The following CYP4X1 variants were observed in gnomAD, a reference collection of about 807,000 sequenced individuals.
CYP4X1 encodes the protein cytochrome P450 4X1.
In CYP4X1, 44 loss-of-function variants were observed where a neutral mutation model predicts 57.9. The ratio of observed to expected loss-of-function variants is 0.76; its 90% confidence interval spans 0.60 to 0.98. CYP4X1 has a LOEUF of 0.98. CYP4X1 is among the 50% of genes least tolerant of loss of function. CYP4X1 has a pLI of 0.00. For missense variants in CYP4X1, 532 were observed against 623.9 expected, an observed-to-expected ratio of 0.85 and a Z score of 1.57; for synonymous variants, 227 against 228.6, an observed-to-expected ratio of 0.99 and a Z score of 0.06.
chr1:47,052,152 A>AT (rs554725945), downstream of CYP4X1, among the ~76,000 whole-genome samples: 377 of 152,072 alleles, frequency 2.5e-3, no homozygotes, highest in Non-Finnish European at 4.2e-3. Flanking sequence ...ACTTCTGTGT[A>AT]TTTTTTCATA....
the CYP4X1 span, among the ~76,000 whole-genome samples, chr1:47,005,466 T>A: frequency 6.6e-6 from 1 of 152,194 alleles, no homozygotes; most frequent in Non-Finnish European, 1.5e-5. Flanking sequence ...TTGGATTATC[T>A]ATTGGGGCAA....
At chr1:47,017,194 T>C in the CYP4X1 span, among the ~76,000 whole-genome samples, 2 of 152,236 alleles carry the variant, frequency 1.3e-5, no homozygotes, top group Admixed American at 6.5e-5. Context: ...GATATACTGA[T>C]TTCCTTTCTT....
At chr1:47,020,785 C>T (rs558923809), upstream of CYP4X1, among the ~76,000 whole-genome samples, 13 of 152,334 alleles carry the variant, frequency 8.5e-5, no homozygotes, top group South Asian at 2.7e-3. Flanking sequence ...TAATAATAGA[C>T]TTCCACATCT....
chr1:47,043,337 G>T (rs892447512), intron 8 of CYP4X1, among the ~76,000 whole-genome samples: 21 of 151,986 alleles, frequency 1.4e-4, no homozygotes, highest in African/African-American at 4.8e-4. Context: ...TGAGTTCCCT[G>T]TAGATTCTGG....
chr1:46,976,699 G>A, the CYP4X1 span, among the ~76,000 whole-genome samples: 1 of 152,112 alleles, frequency 6.6e-6, no homozygotes, highest in Admixed American at 6.5e-5. Context: ...TCCCACTAGG[G>A]GCCAACACAC....
chr1:47,035,457 G>A (rs1295162060), intron 4 of CYP4X1, among the ~76,000 whole-genome samples: 1 of 152,206 alleles, frequency 6.6e-6, no homozygotes, highest in East Asian at 1.9e-4. Context: ...AGGAAGCCCT[G>A]GGGTAAACCC....
At chr1:46,991,615 G>C in the CYP4X1 span, among the ~76,000 whole-genome samples, 1 of 152,178 alleles carries the variant, frequency 6.6e-6, no homozygotes, top group Non-Finnish European at 1.5e-5. Flanking sequence ...GCCTCCACTG[G>C]GAGGGGTAGG....
chr1:46,963,604 C>T, the CYP4X1 span, among the ~76,000 whole-genome samples: 18 of 152,142 alleles, frequency 1.2e-4, no homozygotes, highest in Non-Finnish European at 2.1e-4. Flanking sequence ...GAGTTTGTGC[C>T]GAGAGATCAG....
upstream of CYP4X1, chr1:47,023,614 T>A: frequency 1.5e-6 from 2 of 1,329,180 alleles, no homozygotes; most frequent in Non-Finnish European, 1.9e-6. Flanking sequence ...GGTAACCGGC[T>A]AGAAATCCCG....
At chr1:47,042,025 T>C (rs1432375926) in intron 8 of CYP4X1, among the ~76,000 whole-genome samples, 2 of 152,166 alleles carry the variant, frequency 1.3e-5, no homozygotes, top group African/African-American at 4.8e-5. Context: ...ACACCATTTA[T>C]TGAAGATACT....
At chr1:46,967,830 C>G in the CYP4X1 span, 2 of 1,297,242 alleles carry the variant, frequency 1.5e-6, no homozygotes, top group Non-Finnish European at 2.0e-6. Flanking sequence ...CCATGGCCAC[C>G]TTTAGCTCAT....
chr1:47,015,531 T>G, the CYP4X1 span, among the ~76,000 whole-genome samples: 2 of 152,218 alleles, frequency 1.3e-5, no homozygotes, highest in African/African-American at 4.8e-5. Flanking sequence ...TATGCTTATG[T>G]GCTTGTCTTC....
At chr1:47,051,365 C>T (rs142920218), downstream of CYP4X1, among the ~76,000 whole-genome samples, 5,153 of 141,518 alleles carry the variant, frequency 0.036, 316 homozygotes, top group African/African-American at 0.13. Flanking sequence ...GGCGACAGAG[C>T]GAGACTCCAT....
Position 47,039,338 on chromosome 1 carries a change from C to G in CYP4X1, c.883-4C>G. ...ATTTAAAATATTTGTATTGTACTTTCTAGGATGAAAGTGGTAGCAGCTTCT... is the reference window on the plus strand; with the variant it reads ...ATTTAAAATATTTGTATTGTACTTTGTAGGATGAAAGTGGTAGCAGCTTCT... On this transcript the variant is annotated splice_polypyrimidine_tract_variant and splice_region_variant and intron_variant, in intron 7 of 11. Transcript: ENST00000371901. 6.3e-7 allele frequency: 1 copy of G among 1,583,438 alleles called. No individual in the cohort carries two copies. The highest frequency in any genetic ancestry group is 8.6e-7 in the Non-Finnish European group (1 of 1,166,458).
intron 2 of CYP4X1, among the ~76,000 whole-genome samples, chr1:47,030,420 T>C (rs1644112981): frequency 6.6e-6 from 1 of 152,118 alleles, no homozygotes; most frequent in Non-Finnish European, 1.5e-5. Context: ...GTGGGTTTTA[T>C]GACTTCAGTG....
chr1:46,990,186 C>G, the CYP4X1 span, among the ~76,000 whole-genome samples: 6 of 152,210 alleles, frequency 3.9e-5, no homozygotes, highest in East Asian at 1.2e-3. Flanking sequence ...CTACAAAGAA[C>G]ATAAACAAAT....
At chr1:47,048,962 C>G (rs1644331957) in intron 10 of CYP4X1, among the ~76,000 whole-genome samples, 1 of 152,144 alleles carries the variant, frequency 6.6e-6, no homozygotes, top group African/African-American at 2.4e-5. Context: ...GGATGTATCT[C>G]CATAGTGAAA....
At position 47,049,506 on chromosome 1, in the gene CYP4X1, T is replaced by G. The variant is rs780060708; in HGVS notation, c.1355+2T>G. 6.2e-7 allele frequency: 1 copy of G among 1,613,746 alleles called. No homozygotes were observed. The highest frequency in any genetic ancestry group is 1.1e-5 in the South Asian group (1 of 91,070). On this transcript the variant is annotated splice_donor_variant, in intron 11 of 11. Transcript: ENST00000371901. LOFTEE classifies it high-confidence loss of function. ...CTTACCATTCTCAGCTGGATCAAGG[T>G]GAGAACAATTTGAAGTTGCTGAAAG...
At chr1:47,034,913 C>T (rs1644163444) in intron 4 of CYP4X1, among the ~76,000 whole-genome samples, 1 of 151,956 alleles carries the variant, frequency 6.6e-6, no homozygotes, top group Non-Finnish European at 1.5e-5. Flanking sequence ...AGCCTCCCTC[C>T]TGTTCTCATT....
Sources: gnomAD v4.1 joint callset for allele counts (sites outside exome capture counted in the v4.1 genomes callset) on GRCh38, gnomAD v4.1.1 for gene constraint, MANE v1.5 for transcripts, NCBI Gene and HGNC (gene_info 2026-07-23, HGNC 2026-07-21) for gene names.